The following CNIH3 variants were observed in gnomAD, a reference collection of about 807,000 sequenced individuals.
CNIH3 encodes cornichon family AMPA receptor auxiliary protein 3.
CNIH3 carries 14 observed loss-of-function variants against 24.1 expected under a neutral mutation model. That is an observed-to-expected ratio of 0.58 (90% CI 0.38 to 0.91). The LOEUF is 0.91. Ranked by LOEUF, CNIH3 falls within the 40% of genes least tolerant of loss-of-function variation. CNIH3 has a pLI of 0.00. For missense variants in CNIH3, 178 were observed against 196.8 expected, an observed-to-expected ratio of 0.90 and a Z score of 0.57; for synonymous variants, 68 against 73.8, an observed-to-expected ratio of 0.92 and a Z score of 0.40.
At chr1:224,513,220 G>A (rs1425705039), upstream of CNIH3, among the ~76,000 whole-genome samples, 2 of 151,726 alleles carry the variant, frequency 1.3e-5, no homozygotes, top group African/African-American at 2.4e-5. Flanking sequence ...GTGCAGTGGT[G>A]TGATCACAGC....
intron 1 of CNIH3, chr1:224,435,088 C>G: frequency 1.0e-6 from 1 of 985,718 alleles, no homozygotes; most frequent in Non-Finnish European, 1.2e-6. Flanking sequence ...GCCGGGCGTG[C>G]ATGGGATGGC....
intron 3 of CNIH3, among the ~76,000 whole-genome samples, chr1:224,705,853 T>C (rs1278791260): frequency 2.4e-5 from 2 of 81,698 alleles, no homozygotes; most frequent in Non-Finnish European, 6.1e-5. Context: ...TTCTTTTCTT[T>C]TTTTTCTTTT....
chr1:224,645,307 G>A (rs1327742964), intron 1 of CNIH3, among the ~76,000 whole-genome samples: 1 of 152,122 alleles, frequency 6.6e-6, no homozygotes, highest in South Asian at 2.1e-4. Flanking sequence ...CCATTACTTG[G>A]TGCTGCAGAG....
chr1:224,580,541 T>C (rs1558180279), intron 4 of CNIH3, among the ~76,000 whole-genome samples: 1 of 152,134 alleles, frequency 6.6e-6, no homozygotes, highest in East Asian at 1.9e-4. Context: ...TGAATCCACA[T>C]GTTACACATG....
chr1:224,570,866 T>C (rs1680787664), intron 4 of CNIH3, among the ~76,000 whole-genome samples: 1 of 152,172 alleles, frequency 6.6e-6, no homozygotes, highest in Non-Finnish European at 1.5e-5. Flanking sequence ...AACTGATGTT[T>C]GTGTTCAATA....
chr1:224,665,231 G>A (rs552072239), intron 1 of CNIH3, among the ~76,000 whole-genome samples: 5 of 152,050 alleles, frequency 3.3e-5, no homozygotes, highest in Non-Finnish European at 5.9e-5. Flanking sequence ...CCTCTTGTAC[G>A]CTGGATACTC....
chr1:224,667,942 C>T (rs1295095446), intron 1 of CNIH3, among the ~76,000 whole-genome samples: 1 of 152,106 alleles, frequency 6.6e-6, no homozygotes, highest in Non-Finnish European at 1.5e-5. Context: ...TGGAGCCCTG[C>T]AGCTACACTT....
upstream of CNIH3, among the ~76,000 whole-genome samples, chr1:224,613,587 G>T (rs1176764941): frequency 6.6e-6 from 1 of 152,176 alleles, no homozygotes; most frequent in Non-Finnish European, 1.5e-5. Context: ...GGCCTGGTGG[G>T]AGGTGTCTGG....
intron 3 of CNIH3, among the ~76,000 whole-genome samples, chr1:224,719,830 A>G (rs1393398176): frequency 6.6e-6 from 1 of 152,232 alleles, no homozygotes; most frequent in Non-Finnish European, 1.5e-5. Context: ...ACAAGTTACA[A>G]TATTATTTTG....
At chr1:224,473,814 G>C (rs1676462717) in intron 1 of CNIH3, among the ~76,000 whole-genome samples, 1 of 152,122 alleles carries the variant, frequency 6.6e-6, no homozygotes, top group Non-Finnish European at 1.5e-5. Flanking sequence ...GATATTTACA[G>C]AACGTTTCAT....
intron 2 of CNIH3, among the ~76,000 whole-genome samples, chr1:224,522,737 CCTAAAAAA>C (rs1678691231): frequency 6.6e-6 from 1 of 152,068 alleles, no homozygotes; most frequent in African/African-American, 2.4e-5. Context: ...ACAGCTAAAA[CCTAAAAAA>C]ACAACTGATC....
At chr1:224,692,099 A>C (rs1355988024) in intron 3 of CNIH3, among the ~76,000 whole-genome samples, 1 of 152,182 alleles carries the variant, frequency 6.6e-6, no homozygotes. Flanking sequence ...GGTTGAGATC[A>C]GTGTGGGTAA....
chr1:224,527,468 G>A (rs79057212), intron 2 of CNIH3, among the ~76,000 whole-genome samples: 2,958 of 152,268 alleles, frequency 0.019, 32 homozygotes, highest in Non-Finnish European at 0.031. Flanking sequence ...TGCCTGATGG[G>A]TGTCACTAAG....
chr1:224,585,927 T>G (rs774155839), intron 5 of CNIH3, among the ~76,000 whole-genome samples: 9 of 152,214 alleles, frequency 5.9e-5, no homozygotes, highest in Non-Finnish European at 1.2e-4. Flanking sequence ...TAAGCAGCAT[T>G]AGTCTTGAAA....
intron 1 of CNIH3, among the ~76,000 whole-genome samples, chr1:224,647,983 T>C (rs1684692923): frequency 6.6e-6 from 1 of 152,262 alleles, no homozygotes; most frequent in Admixed American, 6.5e-5. Flanking sequence ...TGGAGACATA[T>C]ACTGATGAAT....
At chr1:224,504,711 A>G (rs1021650654) in intron 1 of CNIH3, among the ~76,000 whole-genome samples, 2 of 152,034 alleles carry the variant, frequency 1.3e-5, no homozygotes, top group African/African-American at 2.4e-5. Flanking sequence ...ATAGATTCAC[A>G]CTGCTTGAGT....
chr1:224,720,518 C>T (rs1465609342), intron 3 of CNIH3, among the ~76,000 whole-genome samples: 1 of 152,106 alleles, frequency 6.6e-6, no homozygotes, highest in Non-Finnish European at 1.5e-5. Context: ...GGCTTCCTTC[C>T]CTTTGCTCTG....
At chr1:224,681,701 C>G (rs1483929614) in intron 2 of CNIH3, among the ~76,000 whole-genome samples, 3 of 152,158 alleles carry the variant, frequency 2.0e-5, no homozygotes, top group East Asian at 3.9e-4. Flanking sequence ...TGAATGGATG[C>G]TGGGTGGGGA....
rs71170028 is a variant in CNIH3, at chr1:224,674,272, G to GTTTTTTTTTTTTTTTTTT, written c.82-6668_82-6651dup. 9.7e-5 allele frequency among the ~76,000 whole-genome samples: 7 copies of GTTTTTTTTTTTTTTTTTT among 72,078 alleles called. 1 individual carries two copies. The highest frequency in any genetic ancestry group is 2.1e-4 in the African/African-American group (4 of 18,652). 47.3% of individuals were successfully genotyped at this position (72,078 alleles called of 152,430 possible). ...AATCGTTTCTTCATCTTCCAGGAAG[G>GTTTTTTTTTTTTTTTTTT]TTTTTTTTTTTTTTTTTTTTTTTTT... On this transcript the variant is annotated intron_variant, in intron 1 of 5. Coordinates refer to ENST00000272133, the MANE Select transcript of CNIH3 (RefSeq NM_152495.2).
Sources: allele counts gnomAD v4.1 joint callset (sites outside exome capture counted in the v4.1 genomes callset), GRCh38; gene constraint gnomAD v4.1.1; transcripts MANE v1.5; gene names NCBI Gene and HGNC (gene_info 2026-07-23, HGNC 2026-07-21).